Variants in MLLT10 observed in about 807,000 individuals in gnomAD.
MLLT10 encodes protein AF-10.
MLLT10 carries 30 observed loss-of-function variants against 129.1 expected under a neutral mutation model. The ratio of observed to expected loss-of-function variants is 0.23; its 90% CI spans 0.17 to 0.32. The LOEUF is 0.32. MLLT10 is among the 10% of genes least tolerant of loss of function. The pLI is 1.00. For missense variants in MLLT10, 1,119 were observed against 1,268.3 expected (o/e 0.88, Z 1.79); for synonymous variants, 490 against 446.4 (o/e 1.10, Z -1.23).
Position 21,716,890 on chromosome 10 carries a change from A to G in MLLT10, c.1878+2940A>G, listed in dbSNP as rs2056602064. On this transcript the variant is annotated intron_variant, in intron 14 of 22. Coordinates refer to ENST00000307729, the MANE Select transcript of MLLT10 (RefSeq NM_001195626.3). ...TTGGTGTCAGCAGGATAAAATCCAGAGGTCATTTTTGCTTTTTGTGATATA... is the reference window on the plus strand; with the variant it reads ...TTGGTGTCAGCAGGATAAAATCCAGGGGTCATTTTTGCTTTTTGTGATATA... Among the ~76,000 whole-genome samples, 3 of 152,114 alleles carry G rather than the reference A, an allele frequency of 2.0e-5. No homozygotes were observed. In the South Asian group the frequency reaches 6.2e-4, roughly 32 times the overall value.
chr10:21,732,469 C>G (rs2058049887), intron 17 of MLLT10, among the ~76,000 whole-genome samples: 2 of 152,222 alleles, frequency 1.3e-5, no homozygotes, highest in African/African-American at 4.8e-5. Context: ...CAAACAAAAA[C>G]ATGTGCTCAT....
At position 21,717,728 on chromosome 10, in the gene MLLT10, C is replaced by CTCT. The variant is rs1564711317; in HGVS notation, c.1878+3780_1878+3781insTTC. On this transcript the variant is annotated intron_variant, in intron 14 of 22. Coordinates refer to ENST00000307729, the MANE Select transcript of MLLT10 (RefSeq NM_001195626.3). ...CCTCCTCCTCCTCTTCCTCCTCCTC[C>CTCT]TCCTCCTCTTCCTCCTCCTCTTCCT... Among the ~76,000 whole-genome samples the CTCT allele has an allele frequency of 2.0e-4, 23 of 115,930 alleles. 2 individuals carry two copies. The highest frequency in any genetic ancestry group is 4.4e-4 in the African/African-American group (13 of 29,612). 76.1% of individuals were successfully genotyped at this position (115,930 alleles called of 152,430 possible). A position where few individuals can be genotyped will look rare whatever the true frequency, so the allele number is the denominator to read the frequency against.
At position 21,614,745 on chromosome 10, in the gene MLLT10, ATGAT is replaced by A. The variant is rs1266349351; in HGVS notation, c.510-83_510-80del. ...GAGATGTTATTTTCTCAGAGCATGA[ATGAT>A]TGGAAGTAAATTTTATTTGCTTATA... On this transcript the variant is annotated intron_variant, in intron 6 of 22. Transcript: ENST00000307729. 4 of 998,296 alleles carry A rather than the reference ATGAT, an allele frequency of 4.0e-6. No individual in the cohort carries two copies. In the African/African-American group the frequency reaches 6.6e-5, roughly 16 times the overall value. 61.8% of individuals were successfully genotyped at this position (998,296 alleles called of 1,614,324 possible).
intron 3 of MLLT10, among the ~76,000 whole-genome samples, chr10:21,554,685 C>G (rs1233693122): frequency 6.6e-6 from 1 of 151,470 alleles, no homozygotes; most frequent in African/African-American, 2.4e-5. Flanking sequence ...TGGTCTCGAT[C>G]TCCTGACCTC....
chr10:21,650,488 A>G (rs781303230), intron 8 of MLLT10, among the ~76,000 whole-genome samples: 5 of 152,286 alleles, frequency 3.3e-5, no homozygotes, highest in Middle Eastern at 3.4e-3. Context: ...TGGGGGTATT[A>G]AAGTAAAACA....
chr10:21,699,926 T>C (rs2054741184), intron 13 of MLLT10, among the ~76,000 whole-genome samples: 1 of 152,168 alleles, frequency 6.6e-6, no homozygotes, highest in African/African-American at 2.4e-5. Flanking sequence ...GATGTTATTT[T>C]GATAAGGACT....
intron 7 of MLLT10, among the ~76,000 whole-genome samples, chr10:21,616,788 C>T (rs372972192): frequency 5.3e-5 from 8 of 151,870 alleles, no homozygotes; most frequent in Non-Finnish European, 1.0e-4. Flanking sequence ...TTTTTTAATA[C>T]GGCATTTTCT....
intron 9 of MLLT10, chr10:21,668,795 G>A: frequency 2.3e-6 from 1 of 432,024 alleles, no homozygotes; most frequent in Non-Finnish European, 3.1e-6. Context: ...GAAGTGAATA[G>A]CGTATTTCCA....
rs560630279 is a variant in MLLT10 at position 21,653,260 on chromosome 10, C to T, written c.795+1492C>T. Among the ~76,000 whole-genome samples the T allele has an allele frequency of 1.2e-4, 19 of 152,186 alleles. No homozygotes were observed. The South Asian group carries it at 3.1e-3, about 25-fold the overall frequency. On this transcript the variant is annotated intron_variant, in intron 9 of 22. Transcript: ENST00000307729. ...TCTGAAAGAATCTGTTTCTACCGTTCGTCAGGTTATTGGCAGAATGAATCT... is the reference window on the plus strand; with the variant it reads ...TCTGAAAGAATCTGTTTCTACCGTTTGTCAGGTTATTGGCAGAATGAATCT...
chr10:21,694,653 A>G (rs1443438914), intron 13 of MLLT10, among the ~76,000 whole-genome samples: 1 of 152,220 alleles, frequency 6.6e-6, no homozygotes, highest in Non-Finnish European at 1.5e-5. Context: ...TTCTGTTGAC[A>G]TATCCCTGTT....
At chr10:21,560,166 C>T (rs773049429) in intron 3 of MLLT10, among the ~76,000 whole-genome samples, 15 of 152,066 alleles carry the variant, frequency 9.9e-5, no homozygotes, top group Non-Finnish European at 1.9e-4. Context: ...CCACCACACC[C>T]GGCTAATTTT....
At chr10:21,739,209 C>G (rs1003757727) in intron 21 of MLLT10, among the ~76,000 whole-genome samples, 1 of 152,184 alleles carries the variant, frequency 6.6e-6, no homozygotes, top group African/African-American at 2.4e-5. Context: ...CCACTGCAAG[C>G]TCTGTGTTCT....
At chr10:21,594,256 A>G (rs1215868036) in intron 4 of MLLT10, among the ~76,000 whole-genome samples, 1 of 151,990 alleles carries the variant, frequency 6.6e-6, no homozygotes, top group Admixed American at 6.6e-5. Flanking sequence ...GAGTTTGTCA[A>G]AAGTACCCTT....
intron 3 of MLLT10, among the ~76,000 whole-genome samples, chr10:21,541,682 G>A (rs569543080): frequency 7.0e-4 from 106 of 152,124 alleles, no homozygotes; most frequent in Middle Eastern, 3.4e-3. Flanking sequence ...TACCACGCCC[G>A]GCCTGAATTT....
At chr10:21,641,472 G>C (rs1420931053) in intron 8 of MLLT10, among the ~76,000 whole-genome samples, 1 of 152,144 alleles carries the variant, frequency 6.6e-6, no homozygotes, top group Admixed American at 6.5e-5. Context: ...AAAAGAAAGA[G>C]ACCCTGTCTG....
At position 21,743,350 on chromosome 10, in the gene MLLT10, T is replaced by C. The variant is rs1833906659; in HGVS notation, c.*1367T>C. Reference sequence around the variant, plus strand: ...ATTGTGACAAATTCATAAGATAACATTGATATTTTGATTTGTAATATTTCT... The same window carrying C: ...ATTGTGACAAATTCATAAGATAACACTGATATTTTGATTTGTAATATTTCT... On this transcript the variant is annotated 3_prime_UTR_variant, in exon 23 of 23. Transcript: ENST00000307729. 9.3e-6 allele frequency: 2 copies of C among 215,100 alleles called. No individual in the cohort carries two copies. The highest frequency in any genetic ancestry group is 7.1e-5 in the East Asian group (1 of 14,106). 13.3% of individuals were successfully genotyped at this position (215,100 alleles called of 1,614,324 possible). A position where few individuals can be genotyped will look rare whatever the true frequency, so the allele number is the denominator to read the frequency against.
chr10:21,698,610 G>A (rs980381518), intron 13 of MLLT10, among the ~76,000 whole-genome samples: 21 of 152,178 alleles, frequency 1.4e-4, no homozygotes, highest in Admixed American at 6.5e-4. Context: ...GCTAGATCAT[G>A]TGGAAGTTGT....
At chr10:21,641,656 T>C (rs1250071429) in intron 8 of MLLT10, among the ~76,000 whole-genome samples, 2 of 151,890 alleles carry the variant, frequency 1.3e-5, no homozygotes, top group African/African-American at 4.8e-5. Flanking sequence ...CCAAAAAAAC[T>C]TTTTTCCCCC....
At chr10:21,723,052 G>A (rs754558931) in intron 14 of MLLT10, among the ~76,000 whole-genome samples, 1 of 152,082 alleles carries the variant, frequency 6.6e-6, no homozygotes, top group Non-Finnish European at 1.5e-5. Flanking sequence ...TAGCTAACCC[G>A]TTTGGGAAAT....
Sources: allele counts gnomAD v4.1 joint callset (sites outside exome capture counted in the v4.1 genomes callset), GRCh38; gene constraint gnomAD v4.1.1; transcripts MANE v1.5; gene names NCBI Gene and HGNC (gene_info 2026-07-23, HGNC 2026-07-21).